Variants in GCNT3 observed in about 807,000 individuals in gnomAD.
GCNT3 encodes the protein beta-1,3-galactosyl-O-glycosyl-glycoprotein beta-1,6-N-acetylglucosaminyltransferase 3.
For missense variants in GCNT3, 708 were observed against 530.3 expected (o/e 1.34, Z -3.29); for synonymous variants, 269 against 195.2 (o/e 1.38, Z -3.15).
chr15:59,617,930 C>T (rs1022155671), intron 2 of GCNT3: 1 of 218,338 alleles, frequency 4.6e-6, no homozygotes, highest in Non-Finnish European at 9.0e-6. Flanking sequence ...TCCATGGCAG[C>T]AGGTGCTCAG....
At chr15:59,617,535 T>C (rs1421296165) in intron 2 of GCNT3, among the ~76,000 whole-genome samples, 1 of 152,252 alleles carries the variant, frequency 6.6e-6, no homozygotes, top group African/African-American at 2.4e-5. Flanking sequence ...ATATTGTATA[T>C]ACACAGCTTG....
At chr15:59,612,135 C>A (rs142527214) in intron 1 of GCNT3, among the ~76,000 whole-genome samples, 154 bp downstream of exon 1, 54 of 152,326 alleles carry the variant, frequency 3.5e-4, no homozygotes, top group African/African-American at 1.2e-3. Flanking sequence ...TCAAATCCCA[C>A]TGGCTTCTCT....
intron 1 of GCNT3, among the ~76,000 whole-genome samples, chr15:59,613,386 A>T (rs1004660441): frequency 6.6e-6 from 1 of 151,802 alleles, no homozygotes; most frequent in East Asian, 1.9e-4. Context: ...CACATAACCA[A>T]CTTACTTTGG....
chr15:59,618,387 A>G lies in GCNT3; in HGVS notation c.149A>G (p.Gln50Arg), dbSNP rs748636628. ...CTGGAGTCCAGGGAATCTCAAAGCCAGTACTGTAGGAATATCTTGTATAAT... is the reference window on the plus strand; with the variant it reads ...CTGGAGTCCAGGGAATCTCAAAGCCGGTACTGTAGGAATATCTTGTATAAT... ...LGLESRESQSQYCRNILYNFL... is the reference protein window; with the variant it reads ...LGLESRESQSRYCRNILYNFL... The change falls in exon 3 of 3, where the codon CAG becomes CGG. Residue 50 changes from glutamine (Q) to arginine (R), a missense_variant. Coordinates refer to ENST00000396065, the MANE Select transcript of GCNT3 (RefSeq NM_004751.3). The G allele has an allele frequency of 1.2e-6, 2 of 1,614,154 alleles. No individual in the cohort carries two copies. Among genetic ancestry groups the G allele is most frequent in the South Asian group, 1.1e-5 (1 of 91,084 alleles).
intron 1 of GCNT3, among the ~76,000 whole-genome samples, chr15:59,613,828 T>A (rs1369172375): frequency 4.6e-5 from 7 of 151,626 alleles, no homozygotes; most frequent in Non-Finnish European, 1.0e-4. Flanking sequence ...GGCAACACAG[T>A]GAAACCGCAT....
chr15:59,616,798 C>T lies in GCNT3; in HGVS notation c.-144C>T, dbSNP rs2082721625. On this transcript the variant is annotated 5_prime_UTR_variant, in exon 2 of 3. Coordinates refer to ENST00000396065, the MANE Select transcript of GCNT3 (RefSeq NM_004751.3). ...GGACATGGTTGTTCACATTTGCTGC[C>T]ACGGAACACCGCCAGTCTTCACTTG... The T allele has an allele frequency of 1.3e-5, 2 of 152,166 alleles. No individual in the cohort carries two copies. Among genetic ancestry groups the T allele is most frequent in the Admixed American group, 1.3e-4 (2 of 15,288 alleles). The allele number at this position is 152,166 out of a possible 1,614,324, so 9.4% of individuals were successfully genotyped here.
chr15:59,619,840 A>C lies in GCNT3; in HGVS notation c.*285A>C, dbSNP rs2082739416. 1 of 292,190 alleles carries C rather than the reference A, an allele frequency of 3.4e-6. No individual in the cohort carries two copies. Among genetic ancestry groups the C allele is most frequent in the East Asian group, 7.2e-5 (1 of 13,916 alleles). The allele number at this position is 292,190 out of a possible 1,614,324, so 18.1% of individuals were successfully genotyped here. ...GTGATAGGGAGAGTGAAGGAGGGATATGTGGTAGAGCACTTGATTTCAGTT... is the reference window on the plus strand; with the variant it reads ...GTGATAGGGAGAGTGAAGGAGGGATCTGTGGTAGAGCACTTGATTTCAGTT... On this transcript the variant is annotated 3_prime_UTR_variant, in exon 3 of 3. Transcript: ENST00000396065.
chr15:59,612,315 T>C (rs529569777), intron 1 of GCNT3, among the ~76,000 whole-genome samples: 10 of 152,106 alleles, frequency 6.6e-5, no homozygotes, highest in Non-Finnish European at 1.2e-4. Flanking sequence ...GATTGAGGAG[T>C]CTGAGTGGGA....
Position 59,612,546 on chromosome 15 carries a change from G to T in GCNT3, c.-251+565G>T, listed in dbSNP as rs1184302249. Reference sequence around the variant, plus strand: ...CTGGCTGTACCTTTTGTCCTTAGCAGGGGTAAAAGGAACCCTGTGAAAAGC... The same window carrying T: ...CTGGCTGTACCTTTTGTCCTTAGCATGGGTAAAAGGAACCCTGTGAAAAGC... On this transcript the variant is annotated intron_variant, in intron 1 of 2. Transcript: ENST00000396065. 2.0e-5 allele frequency among the ~76,000 whole-genome samples: 3 copies of T among 152,148 alleles called. No homozygotes were observed. The East Asian group carries it at 5.8e-4, about 29-fold the overall frequency.
At position 59,619,051 on chromosome 15, in the gene GCNT3, A is replaced by G. The variant is rs1449789127; in HGVS notation, c.813A>G (p.Val271=). The G allele has an allele frequency of 6.2e-7, 1 of 1,614,036 alleles. No individual in the cohort carries two copies. Among genetic ancestry groups the G allele is most frequent in the Non-Finnish European group, 8.5e-7 (1 of 1,179,992 alleles). ...KETRWKYHFE[V]VRDTLHLTNK... is the part of the protein sequence containing the mutation. ...CCCGCTGGAAATATCACTTTGAGGT[A>G]GTGAGAGACACATTACACCTAACCA... The change falls in exon 3 of 3, where the codon GTA becomes GTG. Residue 271 remains valine, a synonymous_variant. Coordinates refer to ENST00000396065, the MANE Select transcript of GCNT3 (RefSeq NM_004751.3).
chr15:59,621,030 G>A lies in GCNT3; in HGVS notation c.*1475G>A, dbSNP rs554534254. On this transcript the variant is annotated 3_prime_UTR_variant, in exon 3 of 3. Transcript: ENST00000396065. ...TGCAAGTAGCTGGGATTACAGATGT[G>A]AGCCACCATGCCCAGCTGATTTTTG... The A allele has an allele frequency of 6.6e-6, 1 of 151,884 alleles. No individual in the cohort carries two copies. The highest frequency in any genetic ancestry group is 2.1e-4 in the South Asian group (1 of 4,788). 9.4% of individuals were successfully genotyped at this position (151,884 alleles called of 1,614,324 possible). A position where few individuals can be genotyped will look rare whatever the true frequency, so the allele number is the denominator to read the frequency against.
chr15:59,617,141 A>G (rs1398399126), intron 2 of GCNT3, among the ~76,000 whole-genome samples: 3 of 111,916 alleles, frequency 2.7e-5, no homozygotes, highest in Non-Finnish European at 3.7e-5. Context: ...TCAATGTACA[A>G]TGTTTTTTCT....
At chr15:59,615,730 A>T (rs998072681) in intron 1 of GCNT3, among the ~76,000 whole-genome samples, 1 of 151,882 alleles carries the variant, frequency 6.6e-6, no homozygotes, top group South Asian at 2.1e-4. Context: ...TTTAAAAAAA[A>T]AAAAAAAATT....
intron 1 of GCNT3, among the ~76,000 whole-genome samples, chr15:59,613,365 C>A (rs1183670063): frequency 1.3e-5 from 2 of 151,836 alleles, no homozygotes; most frequent in African/African-American, 4.8e-5. Context: ...GTGTTATTAA[C>A]AAATACTTAA....
intron 1 of GCNT3, chr15:59,615,176 T>C (rs1225657977): frequency 6.6e-6 from 1 of 152,266 alleles, no homozygotes; most frequent in Non-Finnish European, 1.5e-5. Flanking sequence ...GAGGAGGGAC[T>C]TCCTGTTTGC....
Position 59,618,412 on chromosome 15 carries a change from T to C in GCNT3, c.174T>C (p.Asn58=). Residue 58 remains asparagine, a synonymous_variant, in exon 3 of 3, where the codon AAT becomes AAC. Coordinates refer to ENST00000396065, the MANE Select transcript of GCNT3 (RefSeq NM_004751.3). The part of the protein sequence containing the change: ...QSQYCRNILY[N]FLKLPAKRSI... ...AGTACTGTAGGAATATCTTGTATAATTTCCTGAAACTTCCAGCAAAGAGGT... is the reference window on the plus strand; with the variant it reads ...AGTACTGTAGGAATATCTTGTATAACTTCCTGAAACTTCCAGCAAAGAGGT... The C allele has an allele frequency of 6.2e-7, 1 of 1,614,160 alleles. No homozygotes were observed. The highest frequency in any genetic ancestry group is 8.5e-7 in the Non-Finnish European group (1 of 1,180,002).
At position 59,618,266 on chromosome 15, in the gene GCNT3, C is replaced by G. The variant is rs1293284234; in HGVS notation, c.28C>G (p.Leu10Val). Residue 10 changes from leucine to valine, a missense_variant, in exon 3 of 3, where the codon CTG (leucine) becomes GTG (valine). Leu to Val is a conservative substitution (Grantham distance 32). Coordinates refer to ENST00000396065, the MANE Select transcript of GCNT3 (RefSeq NM_004751.3). Reference protein sequence around the residue: MVQWKRLCQLHYLWALGCYM... With the variant: MVQWKRLCQVHYLWALGCYM... Reference sequence around the variant, plus strand: ...GGTTCAATGGAAGAGACTCTGCCAGCTGCATTACTTGTGGGCTCTGGGCTG... The same window carrying G: ...GGTTCAATGGAAGAGACTCTGCCAGGTGCATTACTTGTGGGCTCTGGGCTG... 6.3e-7 allele frequency: 1 copy of G among 1,587,088 alleles called. No homozygotes were observed. The highest frequency in any genetic ancestry group is 1.8e-5 in the Admixed American group (1 of 56,368).
intron 1 of GCNT3, among the ~76,000 whole-genome samples, chr15:59,613,648 C>T (rs2082706654): frequency 6.6e-6 from 1 of 152,092 alleles, no homozygotes; most frequent in Non-Finnish European, 1.5e-5. Flanking sequence ...ATCGCTTGAG[C>T]CCAGGAGGCA....
At chr15:59,614,567 C>G (rs1375902754) in intron 1 of GCNT3, among the ~76,000 whole-genome samples, 3 of 152,116 alleles carry the variant, frequency 2.0e-5, no homozygotes, top group Admixed American at 1.3e-4. Context: ...AGGGTATCTT[C>G]CTGTTGTTGC....
Sources: allele counts gnomAD v4.1 joint callset (sites outside exome capture counted in the v4.1 genomes callset), GRCh38; gene constraint gnomAD v4.1.1; transcripts MANE v1.5; gene names NCBI Gene and HGNC (gene_info 2026-07-23, HGNC 2026-07-21).